The following CNTN4 variants were observed in gnomAD, a reference collection of about 807,000 sequenced individuals.
CNTN4 encodes contactin-4.
A neutral mutation model predicts 122.5 loss-of-function variants in CNTN4; 77 were observed. That is an observed-to-expected ratio of 0.63 (90% confidence interval 0.52 to 0.76). The LOEUF (loss-of-function observed/expected upper bound fraction) is 0.76, where lower values mean the gene tolerates loss of function less well. Among genes scored for constraint, CNTN4 ranks in the 30% least tolerant of loss-of-function variants. The pLI, the probability that CNTN4 is intolerant of heterozygous loss-of-function variation, is 0.00. For synonymous variants in CNTN4, 512 were observed against 447.0 expected, an observed-to-expected ratio of 1.15 and a Z score of -1.83; for missense variants, 1,256 against 1,259.1, an observed-to-expected ratio of 1.00 and a Z score of 0.04.
intron 13 of CNTN4, among the ~76,000 whole-genome samples, chr3:2,975,160 A>G (rs1387485181): frequency 6.6e-6 from 1 of 152,200 alleles, no homozygotes; most frequent in African/African-American, 2.4e-5. Flanking sequence ...TATTAGGAAA[A>G]GCTATTTCAA....
At position 2,223,915 on chromosome 3, in the gene CNTN4, C is replaced by T. The variant is rs576547935; in HGVS notation, c.-144-115263C>T. ...GGTCAGATGATTGAAGCTTATGTAG[C>T]GTCCTGAGCTTACACAAAGGGATAG... On this transcript the variant is annotated intron_variant, in intron 2 of 24. Transcript: ENST00000418658. Among the ~76,000 whole-genome samples the T allele has an allele frequency of 3.9e-5, 6 of 152,140 alleles. No homozygotes were observed. The South Asian group carries it at 8.3e-4, about 21-fold the overall frequency.
intron 2 of CNTN4, among the ~76,000 whole-genome samples, chr3:2,135,521 A>ATTGTCTTCACAAGTGTAGCTCTAATTGC (rs1478152781): frequency 6.6e-6 from 1 of 151,640 alleles, no homozygotes; most frequent in African/African-American, 2.4e-5. Context: ...GTAGTACAGA[A>ATTGTCTTCACAAGTGTAGCTCTAATTGC]CTTTAGACTT....
intron 4 of CNTN4, among the ~76,000 whole-genome samples, chr3:2,718,539 G>A (rs2087643464): frequency 6.6e-6 from 1 of 152,102 alleles, no homozygotes; most frequent in Non-Finnish European, 1.5e-5. Context: ...ACCCAGACAA[G>A]GTTGGTTATA....
chr3:3,003,684 CAAAAAAAAAAAAAAAAAAA>C (rs58290160), intron 14 of CNTN4, among the ~76,000 whole-genome samples: 1 of 76,966 alleles, frequency 1.3e-5, no homozygotes, highest in African/African-American at 4.1e-5. Context: ...ATGGTTGCAC[CAAAAAAAAAAAAAAAAAAA>C]AAAAAAAAAA....
intron 4 of CNTN4, among the ~76,000 whole-genome samples, chr3:2,613,680 G>C (rs982857538): frequency 6.6e-6 from 1 of 152,010 alleles, no homozygotes; most frequent in Non-Finnish European, 1.5e-5. Flanking sequence ...TCATGAAAAA[G>C]ACAAGACTCA....
chr3:2,612,454 T>C (rs1262331994), intron 4 of CNTN4, among the ~76,000 whole-genome samples: 2 of 152,126 alleles, frequency 1.3e-5, no homozygotes, highest in Non-Finnish European at 2.9e-5. Flanking sequence ...TGTATTGTTT[T>C]GGGGGACCGT....
At chr3:2,117,403 C>G (rs1178453756) in intron 2 of CNTN4, among the ~76,000 whole-genome samples, 2 of 152,198 alleles carry the variant, frequency 1.3e-5, no homozygotes, top group Non-Finnish European at 1.5e-5. Flanking sequence ...GTTAAGCTGT[C>G]TGGAAGTGCA....
chr3:2,701,167 G>C (rs970707601), intron 4 of CNTN4, among the ~76,000 whole-genome samples: 2 of 152,126 alleles, frequency 1.3e-5, no homozygotes. Context: ...AGCATATATA[G>C]AAATTTTTCA....
chr3:2,560,933 T>C (rs2078924066), intron 3 of CNTN4, among the ~76,000 whole-genome samples: 2 of 152,206 alleles, frequency 1.3e-5, no homozygotes, highest in Middle Eastern at 3.2e-3. Flanking sequence ...AGTTTTTATG[T>C]TTGAAATCTT....
intron 3 of CNTN4, among the ~76,000 whole-genome samples, chr3:2,545,645 T>C (rs1169793954): frequency 6.6e-6 from 1 of 151,952 alleles, no homozygotes; most frequent in Non-Finnish European, 1.5e-5. Context: ...TTTTCATCTT[T>C]GCTGGTATAA....
At chr3:3,039,750 G>GT (rs34794867) in intron 19 of CNTN4, 103,821 of 347,666 alleles carry the variant, frequency 0.3, 7,017 homozygotes, top group Middle Eastern at 0.34. Context: ...GATGTCCAGT[G>GT]TTTTTTTTTT....
At chr3:2,454,968 T>C (rs972183483) in intron 3 of CNTN4, among the ~76,000 whole-genome samples, 1 of 152,162 alleles carries the variant, frequency 6.6e-6, no homozygotes, top group Non-Finnish European at 1.5e-5. Context: ...TAAAAGAGTC[T>C]TTGATTATAA....
chr3:2,438,686 G>A (rs2048334690), intron 3 of CNTN4, among the ~76,000 whole-genome samples: 1 of 151,466 alleles, frequency 6.6e-6, no homozygotes, highest in African/African-American at 2.5e-5. Flanking sequence ...TACAGTTAAT[G>A]ATATTCCAAA....
intron 12 of CNTN4, among the ~76,000 whole-genome samples, chr3:2,920,205 G>A (rs899149380): frequency 6.6e-6 from 1 of 151,204 alleles, no homozygotes; most frequent in Admixed American, 6.6e-5. Context: ...CACACACACA[G>A]ACTCTCTCTC....
At chr3:2,271,232 C>G (rs1005101077) in intron 2 of CNTN4, among the ~76,000 whole-genome samples, 5 of 152,086 alleles carry the variant, frequency 3.3e-5, no homozygotes, top group African/African-American at 1.2e-4. Context: ...TTTGATGTTG[C>G]TACTCCATAA....
At position 2,443,161 on chromosome 3, in the gene CNTN4, AAAG is replaced by A. The variant is rs1451511456; in HGVS notation, c.-89+103934_-89+103936del. On this transcript the variant is annotated intron_variant, in intron 3 of 24. Coordinates refer to ENST00000418658, the MANE Select transcript of CNTN4 (RefSeq NM_175607.3). ...TCAAATAAAAGTTAAAAAAAAAAAAAAAGAAGAAAAGTAACTTAGAATTCAGAG... is the reference window on the plus strand; with the variant it reads ...TCAAATAAAAGTTAAAAAAAAAAAAAAAGAAAAGTAACTTAGAATTCAGAG... 2.8e-4 allele frequency among the ~76,000 whole-genome samples: 43 copies of A among 151,338 alleles called. No individual in the cohort carries two copies. The Middle Eastern group carries it at 0.01, about 36-fold the overall frequency.
At chr3:2,527,879 C>A (rs1436180666) in intron 3 of CNTN4, among the ~76,000 whole-genome samples, 1 of 152,094 alleles carries the variant, frequency 6.6e-6, no homozygotes, top group African/African-American at 2.4e-5. Context: ...GCCCTCAATT[C>A]TTTCTAAAGC....
intron 7 of CNTN4, among the ~76,000 whole-genome samples, chr3:2,825,530 T>A (rs1032518077): frequency 2.6e-5 from 4 of 152,160 alleles, no homozygotes; most frequent in South Asian, 2.1e-4. Context: ...CCTAAAAAAA[T>A]GTTTAAAAAT....
At chr3:2,969,792 G>T (rs2055320) in intron 13 of CNTN4, among the ~76,000 whole-genome samples, 4 of 152,010 alleles carry the variant, frequency 2.6e-5, no homozygotes, top group Admixed American at 2.6e-4. Flanking sequence ...AAAATTAGGA[G>T]TATGATTTCA....
Sources: allele counts gnomAD v4.1 joint callset (sites outside exome capture counted in the v4.1 genomes callset), GRCh38; gene constraint gnomAD v4.1.1; transcripts MANE v1.5; gene names NCBI Gene and HGNC (gene_info 2026-07-23, HGNC 2026-07-21).